The following OGDHL variants were observed in gnomAD, a reference collection of about 807,000 sequenced individuals.
OGDHL encodes oxoglutarate dehydrogenase L.
In OGDHL, 79 loss-of-function variants were observed where a neutral mutation model predicts 109.6. The observed-to-expected ratio is 0.72, with a 90% CI of 0.60 to 0.87. The LOEUF (loss-of-function observed/expected upper bound fraction) is 0.87, where lower values mean the gene tolerates loss of function less well. OGDHL is among the 40% of genes least tolerant of loss of function. The pLI, the probability that OGDHL is intolerant of heterozygous loss-of-function variation, is 0.00. For missense variants in OGDHL, 1,275 were observed against 1,362.2 expected (o/e 0.94, Z 1.01); for synonymous variants, 528 against 537.2 (o/e 0.98, Z 0.24).
chr10:49,758,445 T>G lies in OGDHL; in HGVS notation c.148A>C (p.Ser50Arg). The change falls in exon 2 of 23, where the codon AGT becomes CGT. Residue 50 changes from serine to arginine, a missense_variant. Ser to Arg is a moderately radical substitution (Grantham distance 110). Transcript: ENST00000374103. The part of the protein sequence containing the change: ...FPSSKGGGGS[S>R]YMEEMYFAWL... Reference sequence around the variant, plus strand: ...GCGAAGTACATCTCCTCCATGTAACTGGAGCCGCCTCCACCTTTGCTGCTT... The same window carrying G: ...GCGAAGTACATCTCCTCCATGTAACGGGAGCCGCCTCCACCTTTGCTGCTT... The G allele has an allele frequency of 1.9e-6, 3 of 1,613,848 alleles. No homozygotes were observed. The highest frequency in any genetic ancestry group is 1.3e-5 in the African/African-American group (1 of 75,052).
intron 3 of OGDHL, 59 bp downstream of exon 3, chr10:49,756,717 C>T (rs1277286900): frequency 9.9e-6 from 15 of 1,516,740 alleles, no homozygotes; most frequent in Admixed American, 2.0e-5. Flanking sequence ...CCCTTCAGTG[C>T]CTGGCCACAC....
Position 49,761,289 on chromosome 10 carries a change from C to T in OGDHL, c.-2+950G>A, listed in dbSNP as rs192365895. 3.9e-4 allele frequency among the ~76,000 whole-genome samples: 59 copies of T among 152,328 alleles called. No homozygotes were observed. In the East Asian group the frequency reaches 5.6e-3, roughly 14 times the overall value. On this transcript the variant is annotated intron_variant, in intron 1 of 22. Transcript: ENST00000374103. ...CATCCCCAACCCAACCTCAGAACCT[C>T]AACCCAACCCCAGAAAACTGCCGAC...
At chr10:49,751,691 C>T (rs1194686401) in intron 6 of OGDHL, 136 bp downstream of exon 6, 7 of 1,170,980 alleles carry the variant, frequency 6.0e-6, no homozygotes, top group Non-Finnish European at 8.4e-6. Context: ...CAACTCTCCT[C>T]CCTGCAGCCA....
intron 8 of OGDHL, among the ~76,000 whole-genome samples, chr10:49,748,248 C>A (rs1842336020): frequency 6.6e-6 from 1 of 152,216 alleles, no homozygotes; most frequent in African/African-American, 2.4e-5. Flanking sequence ...TGGGGTAGCC[C>A]ATGTGTGCAG....
chr10:49,758,355 T>C (rs1277731570), intron 2 of OGDHL, 34 bp downstream of exon 2: 1 of 1,579,552 alleles, frequency 6.3e-7, no homozygotes, highest in Non-Finnish European at 8.6e-7. Context: ...CTTCCCTCCC[T>C]TGCGGTGGCC....
chr10:49,736,174 A>C lies in OGDHL; in HGVS notation c.2758T>G (p.Ser920Ala), dbSNP rs1175707655. The change falls in exon 22 of 23, where the codon TCT (serine) becomes GCT (alanine). Residue 920 changes from serine to alanine, a missense_variant. Coordinates refer to ENST00000374103, the MANE Select transcript of OGDHL (RefSeq NM_018245.3). ...TTGATCAGGTCGAAGGGGAATGGAG[A>C]GATCTGGGGAGGCAGAAACAAAGGA... is the stretch of plus-strand genomic sequence containing the variant. The part of the protein sequence containing the change: ...KVAITRLEQI[S>A]PFPFDLIKQE... 6.3e-7 allele frequency: 1 copy of C among 1,585,922 alleles called. No homozygotes were observed. Among genetic ancestry groups the C allele is most frequent in the East Asian group, 2.2e-5 (1 of 44,694 alleles).
At chr10:49,742,380 CA>C (rs1564531656) in intron 15 of OGDHL, among the ~76,000 whole-genome samples, 6 of 1,048 alleles carry the variant, frequency 5.7e-3, no homozygotes, top group Non-Finnish European at 8.8e-3. Flanking sequence ...CCCACAAATA[CA>C]CACCACACCC....
intron 15 of OGDHL, among the ~76,000 whole-genome samples, chr10:49,741,969 C>T (rs942583423): frequency 2.7e-5 from 3 of 110,510 alleles, no homozygotes; most frequent in Non-Finnish European, 4.2e-5. Flanking sequence ...ACACTACATA[C>T]ACTACACACA....
At chr10:49,752,820 C>A in intron 3 of OGDHL, 80 bp from the exon 4 acceptor site, 1 of 953,466 alleles carries the variant, frequency 1.0e-6, no homozygotes, top group Non-Finnish European at 1.6e-6. Flanking sequence ...TGGGCCCCAG[C>A]CCCTCTCTTC....
chr10:49,742,511 ATACACACCAAACACAC>A (rs1841848694), intron 15 of OGDHL, among the ~76,000 whole-genome samples: 1 of 73,684 alleles, frequency 1.4e-5, no homozygotes, highest in Admixed American at 1.3e-4. Flanking sequence ...CACACACCAC[ATACACACCAAACACAC>A]CACACACACA....
intron 2 of OGDHL, 81 bp from the exon 3 acceptor site, chr10:49,757,027 G>C: frequency 2.8e-6 from 4 of 1,441,460 alleles, no homozygotes; most frequent in Non-Finnish European, 2.8e-6. Flanking sequence ...GCCCCAAGGA[G>C]TGTCAGGTCT....
rs753447995 is a variant in OGDHL, at chr10:49,738,002, G to A, written c.2462C>T (p.Pro821Leu). 9 of 1,614,092 alleles carry A rather than the reference G, an allele frequency of 5.6e-6. 1 individual carries two copies. The highest frequency in any genetic ancestry group is 4.4e-5 in the South Asian group (4 of 91,086). The change falls in exon 19 of 23, where the codon CCG (proline) becomes CTG (leucine). Residue 821 changes from proline to leucine, a missense_variant. Coordinates refer to ENST00000374103, the MANE Select transcript of OGDHL (RefSeq NM_018245.3). ...CNWIVVNCST[P>L]ANYFHVLRRQ... ...GCGCAGCACGTGGAAGTAGTTGGCC[G>A]GTGTGGAGCAGTTGACCACGATCCA...
chr10:49,744,884 A>G (rs1308357862), intron 12 of OGDHL, 132 bp from the exon 13 acceptor site: 1 of 721,060 alleles, frequency 1.4e-6, no homozygotes, highest in African/African-American at 1.8e-5. Flanking sequence ...GCCTATAGGG[A>G]CCTCATGGCT....
chr10:49,751,958 G>A lies in OGDHL; in HGVS notation c.618C>T (p.Gly206=), dbSNP rs765741729. 1.2e-6 allele frequency: 2 copies of A among 1,614,170 alleles called. No individual in the cohort carries two copies. Among genetic ancestry groups the A allele is most frequent in the South Asian group, 1.1e-5 (1 of 91,072 alleles). The change falls in exon 6 of 23, where the codon GGC becomes GGT. Residue 206 remains glycine (G), a synonymous_variant. Transcript: ENST00000374103. ...RLENTYCQHI[G]LEFMFINDVE... ...CATCGTTGATGAACATGAACTCCAG[G>A]CCAATGTGCTGGCAGTAGGTGTTCT... is the stretch of plus-strand genomic sequence containing the variant.
rs1452233258 is a variant in OGDHL at position 49,735,021 on chromosome 10, A to G, written c.*207T>C. On this transcript the variant is annotated 3_prime_UTR_variant, in exon 23 of 23. Coordinates refer to ENST00000374103, the MANE Select transcript of OGDHL (RefSeq NM_018245.3). ...GATGCTCCAGCACAGTAGCCTGCCTATAGGACTCCTCTGGCTCCCTCAGTC... is the reference window on the plus strand; with the variant it reads ...GATGCTCCAGCACAGTAGCCTGCCTGTAGGACTCCTCTGGCTCCCTCAGTC... The G allele has an allele frequency of 5.6e-6, 3 of 531,488 alleles. No individual in the cohort carries two copies. The highest frequency in any genetic ancestry group is 3.9e-5 in the African/African-American group (2 of 51,192). The allele number at this position is 531,488 out of a possible 1,614,324, so 32.9% of individuals were successfully genotyped here.
chr10:49,750,116 G>A (rs3816170), intron 7 of OGDHL, among the ~76,000 whole-genome samples: 11 of 152,026 alleles, frequency 7.2e-5, no homozygotes, highest in East Asian at 3.9e-4. Flanking sequence ...GGCCAGCCAC[G>A]AATGGGGACC....
rs1366389587 is a variant in OGDHL, at chr10:49,737,988, G to C, written c.2476C>G (p.His826Asp). ...AGCAGGATCTGCCGGCGCAGCACGT[G>C]GAAGTAGTTGGCCGGTGTGGAGCAG... ...VNCSTPANYF[H>D]VLRRQILLPF... Residue 826 changes from histidine (H) to aspartate (D), a missense_variant, in exon 19 of 23, where the codon CAC (histidine) becomes GAC (aspartate). Coordinates refer to ENST00000374103, the MANE Select transcript of OGDHL (RefSeq NM_018245.3). 1 of 1,614,102 alleles carries C rather than the reference G, an allele frequency of 6.2e-7. No individual in the cohort carries two copies. Among genetic ancestry groups the C allele is most frequent in the Non-Finnish European group, 8.5e-7 (1 of 1,180,040 alleles).
chr10:49,735,365 G>C lies in OGDHL; in HGVS notation c.2910-14C>G. The C allele has an allele frequency of 6.2e-7, 1 of 1,611,136 alleles. No homozygotes were observed. Among genetic ancestry groups the C allele is most frequent in the South Asian group, 1.1e-5 (1 of 90,650 alleles). The stretch of plus-strand genomic sequence containing the variant: ...CGGCCAACATACCTGGAGGAGGAGA[G>C]ACAAGCTAAGGGGAAGGCGGGGCCT... On this transcript the variant is annotated splice_polypyrimidine_tract_variant and intron_variant, in intron 22 of 22. Coordinates refer to ENST00000374103, the MANE Select transcript of OGDHL (RefSeq NM_018245.3).
intron 3 of OGDHL, 184 bp downstream of exon 3, chr10:49,756,592 T>G: frequency 2.6e-5 from 14 of 530,912 alleles, no homozygotes; most frequent in South Asian, 4.2e-5. Flanking sequence ...TTCAAGCAGG[T>G]GGTAAGTGCT....
Sources: gnomAD v4.1 joint callset for allele counts (sites outside exome capture counted in the v4.1 genomes callset) on GRCh38, gnomAD v4.1.1 for gene constraint, MANE v1.5 for transcripts, NCBI Gene and HGNC (gene_info 2026-07-23, HGNC 2026-07-21) for gene names.